QTGAL: variants seen among roughly 807,000 people sequenced by gnomAD.
QTGAL encodes BGnT-like protein 1.
the QTGAL span, among the ~76,000 whole-genome samples, chr17:82,969,005 G>A: frequency 1.3e-5 from 2 of 151,774 alleles, no homozygotes; most frequent in African/African-American, 4.8e-5. Context: ...GTGGTGGCAG[G>A]TGCCTGTAGT....
chr17:83,014,877 C>T, the QTGAL span, among the ~76,000 whole-genome samples: 17,738 of 152,312 alleles, frequency 0.12, 1,110 homozygotes, highest in South Asian at 0.2. Context: ...CAGAGAAATG[C>T]AATTAGTTAT....
the QTGAL span, among the ~76,000 whole-genome samples, chr17:83,037,496 C>T: frequency 1.3e-5 from 2 of 152,198 alleles, no homozygotes; most frequent in African/African-American, 2.4e-5. The surrounding 1 kb of genome is among the most constrained non-coding windows in gnomAD (Gnocchi z 5.2). Flanking sequence ...CATAAACAGG[C>T]GCAGGGAGGA....
chr17:82,970,584 C>CGACCTCCCCACCCGGCGTGGCCGT, the QTGAL span, among the ~76,000 whole-genome samples: 2 of 44,788 alleles, frequency 4.5e-5, no homozygotes, highest in African/African-American at 2.3e-4. Flanking sequence ...GGCGTGGCCG[C>CGACCTCCCCACCCGGCGTGGCCGT]GACCTCCGCA....
the QTGAL span, among the ~76,000 whole-genome samples, chr17:83,008,926 G>A: frequency 3.3e-5 from 5 of 152,200 alleles, no homozygotes; most frequent in African/African-American, 9.6e-5. Flanking sequence ...GGATGCCTGC[G>A]AATGGAGACA....
At chr17:83,005,465 C>T in the QTGAL span, 1 of 640,862 alleles carries the variant, frequency 1.6e-6, no homozygotes, top group Non-Finnish European at 2.9e-6. This position sits in a 1 kb window ranked among gnomAD's most constrained non-coding sequence, Gnocchi z 5.6. Flanking sequence ...CGGCGGTGAA[C>T]CACAGAGCTG....
the QTGAL span, among the ~76,000 whole-genome samples, chr17:82,959,388 G>T: frequency 2.2e-5 from 3 of 138,602 alleles, no homozygotes; most frequent in Non-Finnish European, 4.8e-5. Context: ...CAGTGAGCGT[G>T]TGCAGTGAGT....
At chr17:82,958,865 GTGTGTGTGTGTACAC>G in the QTGAL span, among the ~76,000 whole-genome samples, 6 of 38,300 alleles carry the variant, frequency 1.6e-4, no homozygotes, top group Admixed American at 4.0e-4. Context: ...TGTATGGTGT[GTGTGTGTGTGTACAC>G]TGGGGGTGTA....
chr17:83,023,834 G>A, the QTGAL span, among the ~76,000 whole-genome samples: 1 of 152,220 alleles, frequency 6.6e-6, no homozygotes, highest in South Asian at 2.1e-4. Context: ...TGGGTTAGAT[G>A]GGCCGATGCT....
At chr17:82,964,253 C>G in the QTGAL span, among the ~76,000 whole-genome samples, 4 of 32,328 alleles carry the variant, frequency 1.2e-4, no homozygotes, top group Admixed American at 6.0e-4. Context: ...GAGACCCTGT[C>G]TCAAAAAAAA....
At chr17:83,026,245 T>A in the QTGAL span, among the ~76,000 whole-genome samples, 2 of 152,156 alleles carry the variant, frequency 1.3e-5, no homozygotes, top group African/African-American at 4.8e-5. Flanking sequence ...GGCATCACTC[T>A]TCCGTGCCCT....
the QTGAL span, among the ~76,000 whole-genome samples, chr17:82,967,098 G>C: frequency 6.6e-6 from 1 of 152,192 alleles, no homozygotes. Context: ...GTTTTCGGTA[G>C]GGAAGTCCAC....
At chr17:82,967,288 G>A in the QTGAL span, among the ~76,000 whole-genome samples, 13 of 152,180 alleles carry the variant, frequency 8.5e-5, no homozygotes, top group Admixed American at 8.5e-4. Context: ...CTGAGATTAC[G>A]CCAGCATCTG....
the QTGAL span, among the ~76,000 whole-genome samples, chr17:82,973,543 G>A: frequency 3.7e-4 from 56 of 152,204 alleles, no homozygotes; most frequent in Non-Finnish European, 6.9e-4. Flanking sequence ...ATTGGAGTCC[G>A]GCTCTCACCT....
chr17:82,961,072 G>C, the QTGAL span: 1 of 1,609,396 alleles, frequency 6.2e-7, no homozygotes, highest in Non-Finnish European at 8.5e-7. Flanking sequence ...GACGCAGTGC[G>C]TGGCCGCCTG....
chr17:83,000,855 A>G, the QTGAL span, among the ~76,000 whole-genome samples: 24 of 152,230 alleles, frequency 1.6e-4, no homozygotes, highest in African/African-American at 5.1e-4. Flanking sequence ...GAAGGTGGCC[A>G]GACCAGTGAA....
At chr17:82,983,799 A>C in the QTGAL span, among the ~76,000 whole-genome samples, 1 of 152,234 alleles carries the variant, frequency 6.6e-6, no homozygotes, top group Non-Finnish European at 1.5e-5. Context: ...TGTGCCTCAG[A>C]TTAACGGGTT....
the QTGAL span, among the ~76,000 whole-genome samples, chr17:82,990,468 A>G: frequency 6.6e-6 from 1 of 152,278 alleles, no homozygotes; most frequent in African/African-American, 2.4e-5. Context: ...TCACTGCCAT[A>G]TCACGTGGCC....
At chr17:83,046,282 A>C in the QTGAL span, among the ~76,000 whole-genome samples, 7 of 150,322 alleles carry the variant, frequency 4.7e-5, no homozygotes, top group Non-Finnish European at 1.0e-4. Context: ...GGTGCATGCC[A>C]CCACACCTGG....
chr17:82,985,975 C>T, the QTGAL span, among the ~76,000 whole-genome samples: 9 of 152,316 alleles, frequency 5.9e-5, no homozygotes, highest in South Asian at 2.1e-4. Context: ...CAGGAGGGTC[C>T]GGGCCTGTTC....
Sources: allele counts gnomAD v4.1 joint callset (sites outside exome capture counted in the v4.1 genomes callset), GRCh38; gene constraint gnomAD v4.1.1; non-coding constraint Gnocchi (gnomAD v3.1); transcripts MANE v1.5; gene names NCBI Gene and HGNC (gene_info 2026-07-23, HGNC 2026-07-21).